AKAP14: variants seen among roughly 807,000 people sequenced by gnomAD.
The protein encoded by AKAP14 is A-kinase anchoring protein 14, also known as A-kinase anchor protein 14.
Under a neutral mutation model 17.0 loss-of-function variants are expected in AKAP14, and 4 were observed. The ratio of observed to expected loss-of-function variants is 0.23; its 90% CI spans 0.12 to 0.54. The LOEUF is 0.54. Ranked by LOEUF, AKAP14 falls within the 20% of genes least tolerant of loss-of-function variation. The pLI, the probability that AKAP14 is intolerant of heterozygous loss-of-function variation, is 0.95. For synonymous variants in AKAP14, 42 were observed against 51.3 expected (o/e 0.82, Z 0.77); for missense variants, 129 against 150.9 (o/e 0.85, Z 0.76).
rs757061600 is a variant in AKAP14, at chrX:119,920,525, T to C, written c.512T>C (p.Phe171Ser). ...ALVHRPGMVR[F>S]RENWQKNLTD... Reference sequence around the variant, plus strand: ...CTTTGTAGACCAGGAATGGTTCGCTTTCGAGAAAACTGGCAGAAGAATCTT... The same window carrying C: ...CTTTGTAGACCAGGAATGGTTCGCTCTCGAGAAAACTGGCAGAAGAATCTT... The change falls in exon 7 of 7, where the codon TTT (phenylalanine) becomes TCT (serine). Residue 171 changes from phenylalanine (F) to serine (S), a missense_variant. Coordinates refer to ENST00000371431, the MANE Select transcript of AKAP14 (RefSeq NM_178813.6). 8.9e-5 allele frequency: 107 copies of C among 1,207,710 alleles called. No homozygotes were observed. The highest frequency in any genetic ancestry group is 1.1e-4 in the Non-Finnish European group (99 of 893,434).
chrX:119,899,166 C>CTAAAAA (rs2056549614), intron 2 of AKAP14, among the ~76,000 whole-genome samples: 1 of 49,864 alleles, frequency 2.0e-5, no homozygotes, highest in Non-Finnish European at 3.6e-5. Flanking sequence ...GACTCTGTCT[C>CTAAAAA]AAAAAAAAAA....
chrX:119,916,786 C>T (rs2147838635), intron 5 of AKAP14, among the ~76,000 whole-genome samples: 1 of 98,746 alleles, frequency 1.0e-5, no homozygotes, highest in African/African-American at 3.6e-5. Context: ...CAAGCGTGAG[C>T]CACCGCGCCT....
At chrX:119,916,907 A>G (rs1480556629) in intron 5 of AKAP14, among the ~76,000 whole-genome samples, 1 of 102,639 alleles carries the variant, frequency 9.7e-6, no homozygotes, top group Non-Finnish European at 2.0e-5. Flanking sequence ...GGAGTTCGAG[A>G]CCAGCCCGAC....
At position 119,914,850 on chromosome X, in the gene AKAP14, C is replaced by A; in HGVS notation, c.413C>A (p.Thr138Asn). The part of the protein sequence containing the change: ...VARISAGTYF[T>N]MKVSKTKPPD... ...CGAATCTCTGCTGGTACCTACTTCA[C>A]CATGAAGGTCTCCAAAACCAAACCA... The change falls in exon 5 of 7, where the codon ACC becomes AAC. Residue 138 changes from threonine to asparagine, a missense_variant. Coordinates refer to ENST00000371431, the MANE Select transcript of AKAP14 (RefSeq NM_178813.6). 1 of 1,209,707 alleles carries A rather than the reference C, an allele frequency of 8.3e-7. No homozygotes were observed. The highest frequency in any genetic ancestry group is 1.7e-5 in the African/African-American group (1 of 57,771).
At chrX:119,902,133 G>C (rs1231309739) in intron 2 of AKAP14, among the ~76,000 whole-genome samples, 1 of 105,036 alleles carries the variant, frequency 9.5e-6, no homozygotes, top group African/African-American at 3.5e-5. Flanking sequence ...GCAGTGGTGC[G>C]ATCTCGGCTC....
chrX:119,917,683 G>A (rs1315082255), intron 5 of AKAP14, among the ~76,000 whole-genome samples: 1 of 111,736 alleles, frequency 8.9e-6, no homozygotes, highest in South Asian at 3.7e-4. Flanking sequence ...GGGAGGTTGA[G>A]GCAGGAGAAT....
At chrX:119,910,510 A>G (rs1388987468) in intron 4 of AKAP14, among the ~76,000 whole-genome samples, 1 of 111,679 alleles carries the variant, frequency 9.0e-6, no homozygotes, top group East Asian at 2.8e-4. Flanking sequence ...TGTGAAATCT[A>G]AGGCCCTGTG....
intron 2 of AKAP14, among the ~76,000 whole-genome samples, chrX:119,898,938 G>A (rs1005366541): frequency 9.3e-6 from 1 of 107,828 alleles, no homozygotes; most frequent in Non-Finnish European, 1.9e-5. Flanking sequence ...GGAGACTGAG[G>A]TGGGTGGATC....
chrX:119,903,088 C>A, intron 2 of AKAP14, 126 bp from the exon 3 acceptor site: 1 of 650,260 alleles, frequency 1.5e-6, no homozygotes, highest in South Asian at 3.0e-5. Flanking sequence ...AACCCCTAAT[C>A]CCCTCCCTAG....
At chrX:119,898,808 A>G (rs1351694392) in intron 2 of AKAP14, among the ~76,000 whole-genome samples, 1 of 107,675 alleles carries the variant, frequency 9.3e-6, no homozygotes, top group Non-Finnish European at 1.9e-5. Context: ...TGAAAAAAAA[A>G]AAAAAGAGTT....
intron 5 of AKAP14, among the ~76,000 whole-genome samples, chrX:119,915,657 C>A (rs1321657683): frequency 8.9e-6 from 1 of 112,024 alleles, no homozygotes; most frequent in African/African-American, 3.2e-5. Flanking sequence ...AGTCGTGCGC[C>A]ACCATGCCTG....
chrX:119,910,259 G>C (rs2056620809), intron 4 of AKAP14, among the ~76,000 whole-genome samples: 1 of 112,055 alleles, frequency 8.9e-6, no homozygotes, highest in Non-Finnish European at 1.9e-5. Context: ...ACAGCCAATT[G>C]GGTACAAGTT....
chrX:119,911,477 T>C (rs2056627056), intron 4 of AKAP14, among the ~76,000 whole-genome samples: 1 of 110,620 alleles, frequency 9.0e-6, no homozygotes, highest in African/African-American at 3.3e-5. Context: ...GTTCCACCAG[T>C]GTTCAAAGGG....
intron 4 of AKAP14, among the ~76,000 whole-genome samples, chrX:119,906,564 A>C (rs1603377761): frequency 1.2e-5 from 1 of 84,211 alleles, no homozygotes; most frequent in Admixed American, 1.5e-4. Flanking sequence ...ACAGAGTTTC[A>C]CTCTTGTCAC....
intron 5 of AKAP14, among the ~76,000 whole-genome samples, chrX:119,915,988 CT>C (rs1035821064): frequency 2.9e-4 from 30 of 103,949 alleles, no homozygotes; most frequent in Admixed American, 2.1e-4. Context: ...TTTTCTTTTT[CT>C]TTTTTTTTTT....
At position 119,914,767 on chromosome X, in the gene AKAP14, C is replaced by T. The variant is rs780251622; in HGVS notation, c.330C>T (p.Ser110=). The T allele has an allele frequency of 6.6e-6, 8 of 1,209,819 alleles. No individual in the cohort carries two copies. The Admixed American group carries it at 1.7e-4, about 26-fold the overall frequency. ...TAGAGAGGAAAGACTTAATTCACAGCTTCCTCTACATCTACTATGTACACT... is the reference window on the plus strand; with the variant it reads ...TAGAGAGGAAAGACTTAATTCACAGTTTCCTCTACATCTACTATGTACACT... ...EFVERKDLIH[S]FLYIYYVHWS... The change falls in exon 5 of 7, where the codon AGC becomes AGT. Residue 110 remains serine, a synonymous_variant. Coordinates refer to ENST00000371431, the MANE Select transcript of AKAP14 (RefSeq NM_178813.6).
At chrX:119,912,095 T>C (rs2056630854) in intron 4 of AKAP14, among the ~76,000 whole-genome samples, 1 of 109,541 alleles carries the variant, frequency 9.1e-6, no homozygotes, top group South Asian at 4.0e-4. Context: ...CACGCCCGGC[T>C]CATTTTTGCA....
intron 4 of AKAP14, among the ~76,000 whole-genome samples, chrX:119,909,187 A>G (rs1376050889): frequency 2.7e-5 from 3 of 111,211 alleles, no homozygotes; most frequent in Non-Finnish European, 5.7e-5. Context: ...AGAACAGTTG[A>G]AAAAAAAGGC....
At position 119,903,561 on chromosome X, in the gene AKAP14, T is replaced by C. The variant is rs760192789; in HGVS notation, c.236T>C (p.Leu79Pro). 3 of 1,211,656 alleles carry C rather than the reference T, an allele frequency of 2.5e-6. No homozygotes were observed. Among genetic ancestry groups the C allele is most frequent in the Non-Finnish European group, 3.4e-6 (3 of 895,438 alleles). Residue 79 changes from leucine (L) to proline (P), a missense_variant, in exon 4 of 7, where the codon CTT (leucine) becomes CCT (proline). Coordinates refer to ENST00000371431, the MANE Select transcript of AKAP14 (RefSeq NM_178813.6). Reference sequence around the variant, plus strand: ...GGTGAATTCACTGTGGAAAAGGGTCTTAAACAAATTGACGAATATTTTTCG... The same window carrying C: ...GGTGAATTCACTGTGGAAAAGGGTCCTAAACAAATTGACGAATATTTTTCG... ...THGEFTVEKG[L>P]KQIDEYFSKC...
Sources: gnomAD v4.1 joint callset for allele counts (sites outside exome capture counted in the v4.1 genomes callset) on GRCh38, gnomAD v4.1.1 for gene constraint, MANE v1.5 for transcripts, NCBI Gene and HGNC (gene_info 2026-07-23, HGNC 2026-07-21) for gene names.